Variants in BRPF3 observed in about 807,000 individuals in gnomAD.
The protein encoded by BRPF3 is bromodomain and PHD finger-containing protein 3.
BRPF3 carries 18 observed loss-of-function variants against 102.0 expected under a neutral mutation model. The observed-to-expected ratio is 0.18, with a 90% CI of 0.12 to 0.26. The LOEUF is 0.26. Among genes scored for constraint, BRPF3 ranks in the 10% least tolerant of loss-of-function variants. BRPF3 has a pLI of 1.00. For synonymous variants in BRPF3, 570 were observed against 614.2 expected (o/e 0.93, Z 1.06); for missense variants, 1,147 against 1,567.8 (o/e 0.73, Z 4.53).
intron 8 of BRPF3, among the ~76,000 whole-genome samples, chr6:36,216,403 C>T (rs921747582): frequency 6.6e-6 from 1 of 152,210 alleles, no homozygotes; most frequent in Non-Finnish European, 1.5e-5. Flanking sequence ...CTTGGAGATA[C>T]TGCTAGAATC....
At chr6:36,227,064 A>G (rs973496336) in intron 11 of BRPF3, among the ~76,000 whole-genome samples, 4 of 152,250 alleles carry the variant, frequency 2.6e-5, no homozygotes, top group Non-Finnish European at 5.9e-5. Flanking sequence ...GTCATGATTA[A>G]AGAAATTCAG....
In BRPF3 at chr6:36,214,399, G is replaced by A; in HGVS notation, c.2989+13G>A. 4 of 1,544,418 alleles carry A rather than the reference G, an allele frequency of 2.6e-6. No individual in the cohort carries two copies. Among genetic ancestry groups the A allele is most frequent in the South Asian group, 1.2e-5 (1 of 81,154 alleles). ...GAGGAAGAGACAGGTGACCCTGCCT[G>A]TGACTTCTCTTGATACTTCGCATCT... is the stretch of plus-strand genomic sequence containing the variant. On this transcript the variant is annotated intron_variant, in intron 8 of 12. Transcript: ENST00000357641.
chr6:36,224,284 C>A (rs1326838845), intron 10 of BRPF3, among the ~76,000 whole-genome samples: 2 of 152,128 alleles, frequency 1.3e-5, no homozygotes, highest in Non-Finnish European at 2.9e-5. Context: ...TAGATTTGGA[C>A]TTTTTTCCTT....
At chr6:36,197,902 G>A (rs540226285) in intron 1 of BRPF3, among the ~76,000 whole-genome samples, 12 of 152,298 alleles carry the variant, frequency 7.9e-5, no homozygotes, top group Admixed American at 5.2e-4. Context: ...TTGAGCAGCC[G>A]AGGAGGTGGC....
chr6:36,221,786 G>A (rs762273236), intron 9 of BRPF3, among the ~76,000 whole-genome samples: 2 of 152,164 alleles, frequency 1.3e-5, no homozygotes, highest in African/African-American at 2.4e-5. Flanking sequence ...AAAGAAAAGC[G>A]ATGTGAACCA....
chr6:36,199,845 AT>A lies in BRPF3; in HGVS notation c.-26-450del, dbSNP rs1767632228. On this transcript the variant is annotated intron_variant, in intron 1 of 12. Transcript: ENST00000357641. The stretch of plus-strand genomic sequence containing the variant: ...TTCTTCTTTCATTCAACTAATACTT[AT>A]TGAGTGGTTACTTAGGAGCTAAGCA... Among the ~76,000 whole-genome samples, 9 of 152,322 alleles carry A rather than the reference AT, an allele frequency of 5.9e-5. No individual in the cohort carries two copies. The South Asian group carries it at 1.9e-3, about 32-fold the overall frequency.
At chr6:36,204,011 G>A (rs1291107010) in intron 2 of BRPF3, among the ~76,000 whole-genome samples, 4 of 152,116 alleles carry the variant, frequency 2.6e-5, no homozygotes, top group South Asian at 2.1e-4. Flanking sequence ...GGAGTTACTG[G>A]CTTAAACCCT....
chr6:36,228,815 T>TG, intron 11 of BRPF3, 87 bp from the exon 12 acceptor site: 1 of 1,474,234 alleles, frequency 6.8e-7, no homozygotes, highest in Non-Finnish European at 9.4e-7. Flanking sequence ...TCCCCTGGTG[T>TG]GGGTGCTTCA....
chr6:36,217,878 GATTT>G, intron 8 of BRPF3, 35 bp from the exon 9 acceptor site: 1 of 1,588,360 alleles, frequency 6.3e-7, no homozygotes, highest in Non-Finnish European at 8.6e-7. Flanking sequence ...TGGGAAGGGG[GATTT>G]CTGCACTCAG....
At position 36,230,450 on chromosome 6, in the gene BRPF3, C is replaced by G. The variant is rs1417194497; in HGVS notation, c.3459C>G (p.Val1153=). 22 of 1,614,040 alleles carry G rather than the reference C, an allele frequency of 1.4e-5. No homozygotes were observed. The highest frequency in any genetic ancestry group is 1.0e-4 in the Admixed American group (6 of 60,006). The change falls in exon 13 of 13, where the codon GTC becomes GTG. Residue 1153 remains valine (V), a synonymous_variant. Transcript: ENST00000357641. The surrounding 1 kb of genome is among the most constrained non-coding windows in gnomAD (Gnocchi z 5.4). ...RTWQWLPRDK[V]LPLGVEDTVD... ...GGCAGTGGCTTCCAAGGGACAAAGT[C>G]CTGCCCTTGGGTGTGGAAGACACCG...
At chr6:36,204,488 C>G (rs557923461) in intron 2 of BRPF3, 170 bp from the exon 3 acceptor site, 34 of 696,596 alleles carry the variant, frequency 4.9e-5, no homozygotes, top group Non-Finnish European at 8.2e-5. Context: ...ATCTGAGCTG[C>G]TTAACTTTAC....
In BRPF3 at chr6:36,201,796, A is replaced by G. The variant is rs768023291; in HGVS notation, c.1448+26A>G. The G allele has an allele frequency of 1.3e-6, 2 of 1,557,204 alleles. No individual in the cohort carries two copies. The highest frequency in any genetic ancestry group is 1.7e-6 in the Non-Finnish European group (2 of 1,153,314). The stretch of plus-strand genomic sequence containing the variant: ...GTAAGCATGCCCAGAAGGGCTCCTT[A>G]GGGACTCATGGTTTCTTCTTGGGTT... On this transcript the variant is annotated intron_variant, in intron 2 of 12. Coordinates refer to ENST00000357641, the MANE Select transcript of BRPF3 (RefSeq NM_015695.3). This position sits in a 1 kb window ranked among gnomAD's most constrained non-coding sequence, Gnocchi z 5.1.
intron 8 of BRPF3, 72 bp downstream of exon 8, chr6:36,214,458 C>T: frequency 6.8e-7 from 1 of 1,469,014 alleles, no homozygotes; most frequent in Non-Finnish European, 9.0e-7. Context: ...CCAGCACCTT[C>T]CCCAATTGGC....
At chr6:36,211,834 T>G (rs1207441264) in intron 7 of BRPF3, among the ~76,000 whole-genome samples, 1 of 152,216 alleles carries the variant, frequency 6.6e-6, no homozygotes, top group Non-Finnish European at 1.5e-5. Context: ...ATTTAGTTGC[T>G]GGATTGTGGG....
At position 36,207,370 on chromosome 6, in the gene BRPF3, C is replaced by T; in HGVS notation, c.1663C>T (p.Leu555Phe). The stretch of plus-strand genomic sequence containing the variant: ...GGAGGAGCTGAAGTATTGGCAGAAG[C>T]TCCGGCATGACTTGGAGCGGGCGCG... The part of the protein sequence containing the change: ...VKEELKYWQK[L>F]RHDLERARLL... The change falls in exon 4 of 13, where the codon CTC becomes TTC. Residue 555 changes from leucine (L) to phenylalanine (F), a missense_variant. By Grantham distance (22) the Leu-to-Phe change is conservative. This residue lies in a region of BRPF3 where 23 missense variants were observed against 54.4 expected (regional missense o/e 0.42). Coordinates refer to ENST00000357641, the MANE Select transcript of BRPF3 (RefSeq NM_015695.3). 6.2e-7 allele frequency: 1 copy of T among 1,614,122 alleles called. No individual in the cohort carries two copies. Among genetic ancestry groups the T allele is most frequent in the Non-Finnish European group, 8.5e-7 (1 of 1,180,000 alleles).
intron 8 of BRPF3, among the ~76,000 whole-genome samples, chr6:36,217,168 A>C (rs191665744): frequency 7.6e-4 from 115 of 152,300 alleles, no homozygotes; most frequent in African/African-American, 2.7e-3. Flanking sequence ...CTTCTCTCAT[A>C]CATACTGAAT....
In BRPF3 at chr6:36,201,411, G is replaced by T. The variant is rs367591401; in HGVS notation, c.1089G>T (p.Glu363Asp). The change falls in exon 2 of 13, where the codon GAG becomes GAT. Residue 363 changes from glutamate to aspartate, a missense_variant. By Grantham distance (45) the Glu-to-Asp change is conservative (BLOSUM62 2). Coordinates refer to ENST00000357641, the MANE Select transcript of BRPF3 (RefSeq NM_015695.3). This position sits in a 1 kb window ranked among gnomAD's most constrained non-coding sequence, Gnocchi z 5.1. The stretch of plus-strand genomic sequence containing the variant: ...GGGCTGGGCTCTTCATGAAGATTGA[G>T]CCCATGCGCGAAACCAGCCTCAATG... ...AQRAGLFMKI[E>D]PMRETSLNGT... 1.9e-6 allele frequency: 3 copies of T among 1,614,096 alleles called. No homozygotes were observed. The highest frequency in any genetic ancestry group is 2.5e-6 in the Non-Finnish European group (3 of 1,180,048).
At chr6:36,211,973 ACT>A (rs1768134545) in intron 7 of BRPF3, among the ~76,000 whole-genome samples, 1 of 152,036 alleles carries the variant, frequency 6.6e-6, no homozygotes. Flanking sequence ...ACGTGGAGAG[ACT>A]CTAGAGCAGG....
chr6:36,208,086 A>G (rs1322171247), intron 4 of BRPF3, among the ~76,000 whole-genome samples: 1 of 152,218 alleles, frequency 6.6e-6, no homozygotes, highest in African/African-American at 2.4e-5. Flanking sequence ...TAGAGCCTAC[A>G]TCATAAGGTT....
Sources: gnomAD v4.1 joint callset for allele counts (sites outside exome capture counted in the v4.1 genomes callset) on GRCh38, gnomAD v4.1.1 for gene constraint, gnomAD v4.1.1 regional missense constraint, Gnocchi (gnomAD v3.1) non-coding constraint, MANE v1.5 for transcripts, NCBI Gene and HGNC (gene_info 2026-07-23, HGNC 2026-07-21) for gene names.